ZNF277: variants seen among roughly 807,000 people sequenced by gnomAD.
ZNF277 encodes zinc finger protein 277, also known as nuclear receptor-interacting factor 4.
In ZNF277, 55 loss-of-function variants were observed where a neutral mutation model predicts 60.7. That is an observed-to-expected ratio of 0.91 (90% CI 0.73 to 1.13). The LOEUF is 1.13. Ranked by LOEUF, ZNF277 falls within the 50% of genes most tolerant of loss-of-function variation. The probability of loss-of-function intolerance (pLI) is 0.00; values close to 1 mark genes in which losing one functional copy is unlikely to be tolerated. For missense variants in ZNF277, 510 were observed against 523.0 expected, an observed-to-expected ratio of 0.98 and a Z score of 0.24; for synonymous variants, 178 against 179.3, an observed-to-expected ratio of 0.99 and a Z score of 0.06.
Position 112,331,429 on chromosome 7 carries a change from A to T in ZNF277, c.801+1213A>T, listed in dbSNP as rs973994222. 2.7e-4 allele frequency among the ~76,000 whole-genome samples: 41 copies of T among 152,178 alleles called. 1 individual carries two copies. The highest frequency in any genetic ancestry group is 1.6e-3 in the Admixed American group (25 of 15,270). On this transcript the variant is annotated intron_variant, in intron 7 of 11. Transcript: ENST00000361822. Reference sequence around the variant, plus strand: ...GCAAATGGAATTTTTTTCTCTCTCAATGTAAATGAATTAAAACCCAAACCC... The same window carrying T: ...GCAAATGGAATTTTTTTCTCTCTCATTGTAAATGAATTAAAACCCAAACCC...
At chr7:112,333,586 C>T (rs888661395) in intron 7 of ZNF277, among the ~76,000 whole-genome samples, 3 of 152,056 alleles carry the variant, frequency 2.0e-5, no homozygotes, top group Non-Finnish European at 4.4e-5. Flanking sequence ...CCAGGGTATC[C>T]GTAGCAAGAT....
At chr7:112,274,412 C>G (rs1044788282) in intron 1 of ZNF277, among the ~76,000 whole-genome samples, 1 of 152,140 alleles carries the variant, frequency 6.6e-6, no homozygotes, top group Non-Finnish European at 1.5e-5. Context: ...CTGCATCAGC[C>G]TTTCAACATG....
At chr7:112,231,212 CAA>C (rs11340888) in intron 1 of ZNF277, among the ~76,000 whole-genome samples, 2,512 of 132,328 alleles carry the variant, frequency 0.019, 59 homozygotes, top group African/African-American at 0.057. Context: ...GACTCCGTCT[CAA>C]AAAAAAAAAA....
At chr7:112,251,236 T>A (rs1791194214) in intron 1 of ZNF277, among the ~76,000 whole-genome samples, 2 of 152,200 alleles carry the variant, frequency 1.3e-5, no homozygotes, top group Non-Finnish European at 2.9e-5. Flanking sequence ...TAATGATTTT[T>A]AACTCTAATC....
chr7:112,277,709 C>A lies in ZNF277; in HGVS notation c.92-9164C>A, dbSNP rs547391599. On this transcript the variant is annotated intron_variant, in intron 1 of 11. Coordinates refer to ENST00000361822, the MANE Select transcript of ZNF277 (RefSeq NM_021994.3). ...CAGAGTAGATATAGAGCATTTTTTT[C>A]ATCACAGAAAGTTATGTTGAGCAGC... is the stretch of plus-strand genomic sequence containing the variant. Among the ~76,000 whole-genome samples, 294 of 152,218 alleles carry A rather than the reference C, an allele frequency of 1.9e-3. 2 individuals are homozygous for A. The highest frequency in any genetic ancestry group is 6.6e-3 in the African/African-American group (276 of 41,542).
chr7:112,286,229 T>C (rs1792060665), intron 1 of ZNF277, among the ~76,000 whole-genome samples: 1 of 152,244 alleles, frequency 6.6e-6, no homozygotes, highest in South Asian at 2.1e-4. Flanking sequence ...AGCAGTCATC[T>C]ATTTGTTCAC....
At chr7:112,229,336 G>T (rs1822262969) in intron 1 of ZNF277, among the ~76,000 whole-genome samples, 1 of 152,166 alleles carries the variant, frequency 6.6e-6, no homozygotes, top group Non-Finnish European at 1.5e-5. Context: ...TAGAGTAGCA[G>T]CTTGCATACA....
At chr7:112,315,894 G>C (rs1287812250) in intron 4 of ZNF277, among the ~76,000 whole-genome samples, 1 of 152,084 alleles carries the variant, frequency 6.6e-6, no homozygotes, top group African/African-American at 2.4e-5. Context: ...TTGTAAGAAA[G>C]ATTTTAATGC....
intron 1 of ZNF277, among the ~76,000 whole-genome samples, chr7:112,232,569 G>T (rs1822369012): frequency 6.6e-6 from 1 of 152,132 alleles, no homozygotes; most frequent in Non-Finnish European, 1.5e-5. Context: ...GGCATTGAAA[G>T]GTATTATAGC....
intron 4 of ZNF277, among the ~76,000 whole-genome samples, chr7:112,304,647 A>G (rs932497429): frequency 2.0e-5 from 3 of 152,168 alleles, no homozygotes; most frequent in African/African-American, 4.8e-5. Context: ...ATCAGATAGA[A>G]TAAAGGATGT....
intron 1 of ZNF277, among the ~76,000 whole-genome samples, chr7:112,248,949 T>C (rs568853798): frequency 6.6e-6 from 1 of 152,334 alleles, no homozygotes; most frequent in Non-Finnish European, 1.5e-5. Context: ...TTGATGTATC[T>C]TTTCTTACCA....
chr7:112,285,420 A>AGG (rs1434350986), intron 1 of ZNF277, among the ~76,000 whole-genome samples: 2 of 146,790 alleles, frequency 1.4e-5, no homozygotes, highest in African/African-American at 2.6e-5. Flanking sequence ...AAAGTAAGAA[A>AGG]AAAAAAATAG....
intron 4 of ZNF277, among the ~76,000 whole-genome samples, chr7:112,299,864 A>C (rs1185193313): frequency 6.6e-6 from 1 of 152,202 alleles, no homozygotes; most frequent in African/African-American, 2.4e-5. Context: ...CTTGATTTGC[A>C]TTAACGATGA....
chr7:112,246,462 A>T (rs1180862094), intron 1 of ZNF277, among the ~76,000 whole-genome samples: 3 of 152,194 alleles, frequency 2.0e-5, no homozygotes, highest in Non-Finnish European at 4.4e-5. Context: ...AAAGAGCTTA[A>T]TAGGAAATTT....
chr7:112,213,030 T>A (rs556024647), intron 1 of ZNF277, among the ~76,000 whole-genome samples: 3 of 152,266 alleles, frequency 2.0e-5, no homozygotes, highest in Non-Finnish European at 4.4e-5. Context: ...TTTGGCTGTG[T>A]CCCCACCCAA....
intron 1 of ZNF277, among the ~76,000 whole-genome samples, chr7:112,272,752 C>T (rs528114727): frequency 2.0e-5 from 3 of 152,188 alleles, no homozygotes; most frequent in Non-Finnish European, 2.9e-5. Context: ...CCTCGGACTT[C>T]CAAAGTGCTG....
chr7:112,271,950 C>T (rs1791678442), intron 1 of ZNF277, among the ~76,000 whole-genome samples: 1 of 152,090 alleles, frequency 6.6e-6, no homozygotes, highest in Non-Finnish European at 1.5e-5. Context: ...TACAAACATT[C>T]TAATTTTACT....
intron 1 of ZNF277, among the ~76,000 whole-genome samples, chr7:112,215,784 A>G (rs1821863507): frequency 6.6e-6 from 1 of 152,180 alleles, no homozygotes; most frequent in South Asian, 2.1e-4. Context: ...CCCTGCCTTT[A>G]AAAAACTTTT....
intron 1 of ZNF277, among the ~76,000 whole-genome samples, chr7:112,260,817 C>G (rs948706690): frequency 6.6e-6 from 1 of 152,180 alleles, no homozygotes; most frequent in Non-Finnish European, 1.5e-5. Context: ...TCTAGTGTCT[C>G]TGCTACCTTT....
Sources: gnomAD v4.1 joint callset for allele counts (sites outside exome capture counted in the v4.1 genomes callset) on GRCh38, gnomAD v4.1.1 for gene constraint, MANE v1.5 for transcripts, NCBI Gene and HGNC (gene_info 2026-07-23, HGNC 2026-07-21) for gene names.